KCNAB1: variants seen among roughly 807,000 people sequenced by gnomAD.
The protein encoded by KCNAB1 is voltage-gated potassium channel subunit beta-1.
A neutral mutation model predicts 64.6 loss-of-function variants in KCNAB1; 35 were observed. The ratio of observed to expected loss-of-function variants is 0.54; its 90% CI spans 0.41 to 0.72. The LOEUF (loss-of-function observed/expected upper bound fraction) is 0.72, where lower values mean the gene tolerates loss of function less well. Among genes scored for constraint, KCNAB1 ranks in the 30% least tolerant of loss-of-function variants. KCNAB1 has a pLI of 0.00. For missense variants in KCNAB1, 401 were observed against 512.9 expected, an observed-to-expected ratio of 0.78 and a Z score of 2.11; for synonymous variants, 177 against 183.8, an observed-to-expected ratio of 0.96 and a Z score of 0.30.
At chr3:156,383,625 A>AC (rs546954372) in intron 1 of KCNAB1, among the ~76,000 whole-genome samples, 305 of 151,946 alleles carry the variant, frequency 2.0e-3, no homozygotes, top group African/African-American at 7.1e-3. Flanking sequence ...AATTCTCCTC[A>AC]CCCCACCCTG....
At chr3:156,405,976 A>G (rs1714219738) in intron 1 of KCNAB1, among the ~76,000 whole-genome samples, 1 of 152,216 alleles carries the variant, frequency 6.6e-6, no homozygotes, top group Non-Finnish European at 1.5e-5. Flanking sequence ...GGAAGAAAAG[A>G]ACAGTTTTTT....
intron 1 of KCNAB1, chr3:156,143,429 G>C (rs1385316492): frequency 1.3e-6 from 2 of 1,542,124 alleles, no homozygotes; most frequent in Admixed American, 2.0e-5. Flanking sequence ...AGGTACTGCT[G>C]ATTGCAAAGT....
intron 1 of KCNAB1, among the ~76,000 whole-genome samples, chr3:156,238,420 T>TCA (rs1716978729): frequency 7.3e-5 from 4 of 54,826 alleles, no homozygotes; most frequent in Non-Finnish European, 6.7e-5. Flanking sequence ...AGACTTGGTC[T>TCA]CAAAAAAAAA....
chr3:156,513,803 T>G (rs1048656527), intron 8 of KCNAB1, among the ~76,000 whole-genome samples: 4 of 152,224 alleles, frequency 2.6e-5, no homozygotes, highest in African/African-American at 9.6e-5. Flanking sequence ...TTGCAAGCTG[T>G]GAGCCACGGT....
chr3:156,299,550 C>T (rs1403674720), intron 1 of KCNAB1, among the ~76,000 whole-genome samples: 10 of 152,198 alleles, frequency 6.6e-5, no homozygotes, highest in African/African-American at 2.4e-4. Context: ...ACAGGAAATG[C>T]TCATTTGGGC....
At chr3:156,443,718 TTC>T (rs1717173608) in intron 2 of KCNAB1, among the ~76,000 whole-genome samples, 1 of 149,244 alleles carries the variant, frequency 6.7e-6, no homozygotes, top group South Asian at 2.1e-4. Flanking sequence ...GTGGAGAGGG[TTC>T]TAAGTAATAT....
chr3:156,536,650 G>A lies in KCNAB1; in HGVS notation c.1171-8G>A. ...CAATATCCTTTGTACTTCTCCTCCT[G>A]CTCTCAGGTTCTCCCAAAGATGACA... On this transcript the variant is annotated splice_polypyrimidine_tract_variant and splice_region_variant and intron_variant, in intron 13 of 13. Transcript: ENST00000490337. 1.3e-6 allele frequency: 2 copies of A among 1,592,196 alleles called. No individual in the cohort carries two copies. The highest frequency in any genetic ancestry group is 2.2e-5 in the South Asian group (2 of 90,658).
chr3:156,465,575 A>G (rs1576902306), intron 6 of KCNAB1, 68 bp from the exon 7 acceptor site: 1 of 1,428,146 alleles, frequency 7.0e-7, no homozygotes, highest in East Asian at 2.3e-5. Context: ...AGCAATTCAG[A>G]CCAGAGATTT....
At chr3:156,140,167 A>G (rs903669404) in intron 1 of KCNAB1, among the ~76,000 whole-genome samples, 3 of 152,244 alleles carry the variant, frequency 2.0e-5, no homozygotes, top group African/African-American at 2.4e-5. Flanking sequence ...AAGCCTCTGG[A>G]CACTAAGTAT....
intron 13 of KCNAB1, among the ~76,000 whole-genome samples, chr3:156,533,387 G>C (rs1718836785): frequency 6.6e-6 from 1 of 152,164 alleles, no homozygotes; most frequent in Non-Finnish European, 1.5e-5. Flanking sequence ...GCAGTGGAAA[G>C]GCCCTGAGAT....
At chr3:156,279,560 T>C (rs2108501713) in intron 1 of KCNAB1, among the ~76,000 whole-genome samples, 1 of 152,032 alleles carries the variant, frequency 6.6e-6, no homozygotes, top group South Asian at 2.1e-4. Flanking sequence ...CCACAATGGT[T>C]GAACTAGTTT....
chr3:156,483,030 C>T (rs1714942801), intron 8 of KCNAB1, among the ~76,000 whole-genome samples: 1 of 152,076 alleles, frequency 6.6e-6, no homozygotes, highest in African/African-American at 2.4e-5. Flanking sequence ...GAGATAGGGA[C>T]AGTTAAAATA....
intron 2 of KCNAB1, among the ~76,000 whole-genome samples, chr3:156,448,266 A>G (rs1231939889): frequency 6.6e-6 from 1 of 152,238 alleles, no homozygotes; most frequent in Non-Finnish European, 1.5e-5. Flanking sequence ...ATTTGAGATT[A>G]CACAGTGAAA....
intron 1 of KCNAB1, among the ~76,000 whole-genome samples, chr3:156,395,187 G>A (rs113197985): frequency 0.013 from 2,022 of 152,272 alleles, 46 homozygotes; most frequent in African/African-American, 0.047. Flanking sequence ...CAAATGGCTT[G>A]TTCTTCTTCT....
intron 1 of KCNAB1, among the ~76,000 whole-genome samples, chr3:156,361,156 C>T (rs1485156233): frequency 6.6e-6 from 1 of 152,152 alleles, no homozygotes; most frequent in African/African-American, 2.4e-5. Context: ...CATCATTCTT[C>T]TCATCTCAGC....
chr3:156,290,545 C>T (rs1451873304), intron 1 of KCNAB1, among the ~76,000 whole-genome samples: 1 of 152,236 alleles, frequency 6.6e-6, no homozygotes, highest in Admixed American at 6.5e-5. Context: ...TTGCACCTGA[C>T]ATCAAACCAG....
chr3:156,190,934 C>G (rs1171645465), intron 1 of KCNAB1, among the ~76,000 whole-genome samples: 2 of 152,124 alleles, frequency 1.3e-5, no homozygotes, highest in Non-Finnish European at 2.9e-5. Context: ...CTCAGGTGAT[C>G]CACCCACCTC....
chr3:156,148,943 T>G (rs1426246030), intron 1 of KCNAB1, among the ~76,000 whole-genome samples: 3 of 152,114 alleles, frequency 2.0e-5, no homozygotes, highest in Non-Finnish European at 4.4e-5. Flanking sequence ...GGGCTCCTAA[T>G]CAGCTTGGCC....
intron 1 of KCNAB1, among the ~76,000 whole-genome samples, chr3:156,333,619 A>T (rs1723491288): frequency 6.6e-6 from 1 of 152,204 alleles, no homozygotes; most frequent in South Asian, 2.1e-4. Flanking sequence ...GCATTTTTGT[A>T]TACAGCTATG....
Sources: gnomAD v4.1 joint callset for allele counts (sites outside exome capture counted in the v4.1 genomes callset) on GRCh38, gnomAD v4.1.1 for gene constraint, MANE v1.5 for transcripts, NCBI Gene and HGNC (gene_info 2026-07-23, HGNC 2026-07-21) for gene names.